RANBP17: variants seen among roughly 807,000 people sequenced by gnomAD.
The protein encoded by RANBP17 is ran-binding protein 17.
RANBP17 carries 158 observed loss-of-function variants against 141.2 expected under a neutral mutation model. The observed-to-expected ratio is 1.12, with a 90% CI of 0.98 to 1.28. RANBP17 has a LOEUF of 1.28. RANBP17 is among the 50% of genes most tolerant of loss of function. The pLI is 0.00. For missense variants in RANBP17, 1,438 were observed against 1,290.7 expected, an observed-to-expected ratio of 1.11 and a Z score of -1.75; for synonymous variants, 430 against 450.0, an observed-to-expected ratio of 0.96 and a Z score of 0.56.
At chr5:171,061,620 G>GA (rs1238998305) in intron 14 of RANBP17, among the ~76,000 whole-genome samples, 3 of 152,028 alleles carry the variant, frequency 2.0e-5, no homozygotes, top group East Asian at 1.9e-4. Flanking sequence ...GTGTGGTGCT[G>GA]AAAAAAAATG....
At chr5:170,945,352 G>T (rs2127482745) in intron 12 of RANBP17, among the ~76,000 whole-genome samples, 1 of 152,174 alleles carries the variant, frequency 6.6e-6, no homozygotes, top group Middle Eastern at 3.4e-3. Flanking sequence ...ATGTTTTTTT[G>T]TAGGTATGAT....
intron 13 of RANBP17, among the ~76,000 whole-genome samples, chr5:170,959,911 T>G (rs913756981): frequency 1.3e-5 from 2 of 152,132 alleles, no homozygotes; most frequent in African/African-American, 2.4e-5. Context: ...GCAAGAAAAT[T>G]TGCATATAAG....
intron 14 of RANBP17, among the ~76,000 whole-genome samples, chr5:171,147,382 G>GTGTGTGTGT (rs1315097543): frequency 2.8e-3 from 91 of 32,060 alleles, no homozygotes; most frequent in South Asian, 0.012. Context: ...TGTGTGTGTG[G>GTGTGTGTGT]TTGTTTGTTT....
chr5:170,899,867 G>A (rs1451355566), intron 5 of RANBP17, among the ~76,000 whole-genome samples: 1 of 152,142 alleles, frequency 6.6e-6, no homozygotes, highest in East Asian at 1.9e-4. Context: ...AGATAAAGCC[G>A]ACTTGATCAT....
chr5:170,977,585 A>C (rs1777471298), intron 14 of RANBP17, among the ~76,000 whole-genome samples: 1 of 152,094 alleles, frequency 6.6e-6, no homozygotes, highest in African/African-American at 2.4e-5. Context: ...AAAGTGGAAA[A>C]AAATTTGCAT....
At chr5:171,203,759 TAA>T (rs1762428615) in intron 19 of RANBP17, among the ~76,000 whole-genome samples, 1 of 152,180 alleles carries the variant, frequency 6.6e-6, no homozygotes, top group Non-Finnish European at 1.5e-5. Context: ...ACAAAGAAAG[TAA>T]AACTCATGGT....
intron 9 of RANBP17, among the ~76,000 whole-genome samples, chr5:170,917,983 T>G (rs1429239531): frequency 1.3e-5 from 2 of 152,108 alleles, no homozygotes; most frequent in African/African-American, 4.8e-5. Context: ...AGACTTTCAG[T>G]TTTACAAAGA....
chr5:170,896,820 ACT>A (rs1195214200), intron 5 of RANBP17: 11 of 443,532 alleles, frequency 2.5e-5, no homozygotes, highest in East Asian at 1.0e-4. Flanking sequence ...ACAGAGCAAG[ACT>A]CTGTCTCAAA....
rs535129901 is a variant in RANBP17 at position 171,275,362 on chromosome 5, C to G, written c.2943+9515C>G. Among the ~76,000 whole-genome samples the G allele has an allele frequency of 2.2e-3, 335 of 152,154 alleles. 1 individual carries two copies. Among genetic ancestry groups the G allele is most frequent in the Non-Finnish European group, 2.7e-3 (185 of 68,000 alleles). Reference sequence around the variant, plus strand: ...GTTTTTATACTTGTGTAATTTGTATCCAAGAAATAACTGTCAAAGTCATCT... The same window carrying G: ...GTTTTTATACTTGTGTAATTTGTATGCAAGAAATAACTGTCAAAGTCATCT... On this transcript the variant is annotated intron_variant, in intron 25 of 27. Coordinates refer to ENST00000523189, the MANE Select transcript of RANBP17 (RefSeq NM_022897.5).
intron 14 of RANBP17, among the ~76,000 whole-genome samples, chr5:171,056,876 C>A (rs1265860198): frequency 1.2e-4 from 19 of 152,086 alleles, no homozygotes; most frequent in African/African-American, 3.9e-4. Flanking sequence ...AGCTTTCCAA[C>A]CAATCGGTCT....
chr5:171,287,776 G>A (rs941679300), intron 25 of RANBP17, among the ~76,000 whole-genome samples: 1 of 152,048 alleles, frequency 6.6e-6, no homozygotes, highest in African/African-American at 2.4e-5. Context: ...ACGCAGACTG[G>A]AGTACAGTGG....
chr5:171,160,490 A>C (rs1002039272), intron 14 of RANBP17, among the ~76,000 whole-genome samples: 2 of 152,164 alleles, frequency 1.3e-5, no homozygotes, highest in Non-Finnish European at 2.9e-5. Context: ...TTAATCTCAA[A>C]AATTCCACAG....
intron 13 of RANBP17, among the ~76,000 whole-genome samples, chr5:170,955,557 A>G (rs1436139401): frequency 1.8e-3 from 32 of 17,364 alleles, no homozygotes; most frequent in Non-Finnish European, 3.8e-3. Context: ...CAGTCTGTGT[A>G]TATATATATA....
intron 11 of RANBP17, among the ~76,000 whole-genome samples, chr5:170,922,504 C>G (rs1036817603): frequency 1.1e-4 from 16 of 152,188 alleles, no homozygotes; most frequent in African/African-American, 3.9e-4. Flanking sequence ...ACACTGTGAG[C>G]TATTCAAGCC....
At chr5:170,887,391 A>G (rs1031868117) in intron 3 of RANBP17, among the ~76,000 whole-genome samples, 7 of 152,014 alleles carry the variant, frequency 4.6e-5, no homozygotes, top group African/African-American at 1.7e-4. Flanking sequence ...ATTTTCTCTT[A>G]TTTTATCTTC....
intron 7 of RANBP17, among the ~76,000 whole-genome samples, chr5:170,912,129 T>C (rs7735245): frequency 0.61 from 92,820 of 151,656 alleles, 29,782 homozygotes; most frequent in South Asian, 0.89. Flanking sequence ...ACTTCTAATA[T>C]GGAGATCAGA....
intron 14 of RANBP17, among the ~76,000 whole-genome samples, chr5:171,038,700 A>G (rs1258331310): frequency 6.6e-6 from 1 of 152,002 alleles, no homozygotes; most frequent in Non-Finnish European, 1.5e-5. Flanking sequence ...ATCTATTGAG[A>G]TGGTTTTATT....
Position 171,252,466 on chromosome 5 carries a change from T to C in RANBP17, c.2776+9646T>C. 5 of 1,475,696 alleles carry C rather than the reference T, an allele frequency of 3.4e-6. No homozygotes were observed. In the East Asian group the frequency reaches 1.1e-4, roughly 34 times the overall value. The allele number at this position is 1,475,696 out of a possible 1,614,324, so 91.4% of individuals were successfully genotyped here. A position where few individuals can be genotyped will look rare whatever the true frequency, so the allele number is the denominator to read the frequency against. ...ATCAATTACTCACTGCTTAAGGGCT[T>C]TCAGCAACACAGAAACCCTATGCAG... On this transcript the variant is annotated intron_variant, in intron 24 of 27. Coordinates refer to ENST00000523189, the MANE Select transcript of RANBP17 (RefSeq NM_022897.5).
chr5:171,017,771 G>A (rs998605787), intron 14 of RANBP17, among the ~76,000 whole-genome samples: 1 of 152,108 alleles, frequency 6.6e-6, no homozygotes, highest in Non-Finnish European at 1.5e-5. Context: ...GATCCCATTT[G>A]TCAATTTTGG....
Sources: gnomAD v4.1 joint callset for allele counts (sites outside exome capture counted in the v4.1 genomes callset) on GRCh38, gnomAD v4.1.1 for gene constraint, MANE v1.5 for transcripts, NCBI Gene and HGNC (gene_info 2026-07-23, HGNC 2026-07-21) for gene names.